Variants in USP6NL observed in about 807,000 individuals in gnomAD.
The protein encoded by USP6NL is USP6 N-terminal-like protein.
Under a neutral mutation model 61.9 loss-of-function variants are expected in USP6NL, and 26 were observed. The observed-to-expected ratio is 0.42, with a 90% CI of 0.31 to 0.58. The LOEUF (loss-of-function observed/expected upper bound fraction) is 0.58. Among genes scored for constraint, USP6NL ranks in the 20% least tolerant of loss-of-function variants. USP6NL has a pLI of 0.16. For synonymous variants in USP6NL, 432 were observed against 390.1 expected (o/e 1.11, Z -1.27); for missense variants, 1,114 against 1,034.3 (o/e 1.08, Z -1.06).
At chr10:11,521,742 A>C (rs1591882308) in intron 4 of USP6NL, among the ~76,000 whole-genome samples, 1 of 152,326 alleles carries the variant, frequency 6.6e-6, no homozygotes, top group Non-Finnish European at 1.5e-5. Context: ...CATTTTATAC[A>C]GTCACAGTAA....
At chr10:11,603,421 C>T (rs1415284464) in intron 1 of USP6NL, among the ~76,000 whole-genome samples, 1 of 152,192 alleles carries the variant, frequency 6.6e-6, no homozygotes, top group Non-Finnish European at 1.5e-5. Context: ...CATATCAGAA[C>T]TGCACATAAT....
At position 11,592,044 on chromosome 10, in the gene USP6NL, G is replaced by C. The variant is rs573949126; in HGVS notation, c.4+5587C>G. ...ACCACCATGCCCAGCTAATTTTTTA[G>C]TATTTTTAGTAGAGACGGGGTTTCA... On this transcript the variant is annotated intron_variant, in intron 2 of 14. Coordinates refer to ENST00000609104, the MANE Select transcript of USP6NL (RefSeq NM_014688.5). This position sits in a 1 kb window ranked among gnomAD's most constrained non-coding sequence, Gnocchi z 4.7. Among the ~76,000 whole-genome samples, 2 of 152,016 alleles carry C rather than the reference G, an allele frequency of 1.3e-5. No individual in the cohort carries two copies. Among genetic ancestry groups the C allele is most frequent in the East Asian group, 3.9e-4 (2 of 5,168 alleles).
At position 11,569,930 on chromosome 10, in the gene USP6NL, C is replaced by T. The variant is rs117857809; in HGVS notation, c.4+27701G>A. Among the ~76,000 whole-genome samples, 68 of 152,266 alleles carry T rather than the reference C, an allele frequency of 4.5e-4. No homozygotes were observed. The East Asian group carries it at 0.013, about 29-fold the overall frequency. ...TACACGGATTCTTCATGTTTGGGCA[C>T]CTGCGTCACCTATTTTCTTGCCATA... On this transcript the variant is annotated intron_variant, in intron 2 of 14. Transcript: ENST00000609104.
chr10:11,550,654 G>A (rs1288515164), intron 2 of USP6NL, among the ~76,000 whole-genome samples: 1 of 152,096 alleles, frequency 6.6e-6, no homozygotes, highest in African/African-American at 2.4e-5. Context: ...TACTCAGGGA[G>A]GCTGAGGCAG....
intron 2 of USP6NL, among the ~76,000 whole-genome samples, chr10:11,539,252 G>A (rs984739220): frequency 1.6e-4 from 25 of 152,318 alleles, no homozygotes; most frequent in African/African-American, 5.3e-4. Flanking sequence ...CTTGTTGGCT[G>A]TGTCAGTCAC....
chr10:11,487,202 C>A lies in USP6NL; in HGVS notation c.665-1291G>T, dbSNP rs1221517351. ...AATGCTAAGAAGCCTAACAGTTCTT[C>A]ATTTTCCACTGATGTTCCAGATCTC... is the stretch of plus-strand genomic sequence containing the variant. On this transcript the variant is annotated intron_variant, in intron 10 of 14. Transcript: ENST00000609104. This position sits in a 1 kb window ranked among gnomAD's most constrained non-coding sequence, Gnocchi z 4.2. Among the ~76,000 whole-genome samples, 1 of 152,188 alleles carries A rather than the reference C, an allele frequency of 6.6e-6. No homozygotes were observed. The highest frequency in any genetic ancestry group is 1.5e-5 in the Non-Finnish European group (1 of 68,024).
intron 14 of USP6NL, among the ~76,000 whole-genome samples, chr10:11,477,206 A>G (rs1356352336): frequency 6.6e-6 from 1 of 152,200 alleles, no homozygotes; most frequent in Non-Finnish European, 1.5e-5. Context: ...GAAGAAATAA[A>G]CTAAGAAAAT....
chr10:11,503,218 A>C (rs1240229331), intron 6 of USP6NL, among the ~76,000 whole-genome samples: 1 of 152,216 alleles, frequency 6.6e-6, no homozygotes, highest in Non-Finnish European at 1.5e-5. Context: ...AGGAACGTGT[A>C]ATATGACTGA....
In USP6NL at chr10:11,540,796, T is replaced by G. The variant is rs1476175262; in HGVS notation, c.5-13229A>C. 6.6e-6 allele frequency among the ~76,000 whole-genome samples: 1 copy of G among 152,130 alleles called. No homozygotes were observed. The highest frequency in any genetic ancestry group is 6.5e-5 in the Admixed American group (1 of 15,272). ...ACACTCAAAAACAAGAACGAGGTAT[T>G]GCCTAGAACAACTGAGAAGCACACA... On this transcript the variant is annotated intron_variant, in intron 2 of 14. Coordinates refer to ENST00000609104, the MANE Select transcript of USP6NL (RefSeq NM_014688.5). The surrounding 1 kb of genome is among the most constrained non-coding windows in gnomAD (Gnocchi z 5.0).
chr10:11,490,562 A>T lies in USP6NL; in HGVS notation c.543+270T>A, dbSNP rs966824419. ...AAATAAAAACAAAACAACACAAAAC[A>T]TTACAAAGCAAAACAATATGGAGGG... On this transcript the variant is annotated intron_variant, in intron 9 of 14. Transcript: ENST00000609104. This position sits in a 1 kb window ranked among gnomAD's most constrained non-coding sequence, Gnocchi z 4.5. Among the ~76,000 whole-genome samples, 1 of 152,232 alleles carries T rather than the reference A, an allele frequency of 6.6e-6. No homozygotes were observed.
At chr10:11,519,305 G>A (rs893823268) in intron 4 of USP6NL, among the ~76,000 whole-genome samples, 5 of 152,204 alleles carry the variant, frequency 3.3e-5, no homozygotes, top group African/African-American at 1.2e-4. Flanking sequence ...ACAGACTTGT[G>A]AATTTAAAGA....
In USP6NL at chr10:11,518,670, A is replaced by C; in HGVS notation, c.156-96T>G. On this transcript the variant is annotated intron_variant, in intron 4 of 14. Transcript: ENST00000609104. This position sits in a 1 kb window ranked among gnomAD's most constrained non-coding sequence, Gnocchi z 5.3. ...TAGATACATATGACATACAATATTTATTTGTCATCACAAGAGTTACATAGG... is the reference window on the plus strand; with the variant it reads ...TAGATACATATGACATACAATATTTCTTTGTCATCACAAGAGTTACATAGG... The C allele has an allele frequency of 1.1e-6, 1 of 916,860 alleles. No homozygotes were observed. The highest frequency in any genetic ancestry group is 1.7e-6 in the Non-Finnish European group (1 of 592,356). The allele number at this position is 916,860 out of a possible 1,614,324, so 56.8% of individuals were successfully genotyped here. A position where few individuals can be genotyped will look rare whatever the true frequency, so the allele number is the denominator to read the frequency against.
Position 11,463,660 on chromosome 10 carries a change from C to T in USP6NL, c.1268G>A (p.Gly423Glu). Reference protein sequence around the residue: ...EHSPHPQSRTGTPERAQPPRR... With the variant: ...EHSPHPQSRTETPERAQPPRR... ...TGGCGGCTGTGCTCTCTCGGGCGTC[C>T]CGGTCCTGCTCTGGGGGTGCGGGGA... Residue 423 changes from glycine (G) to glutamate (E), a missense_variant, in exon 15 of 15, where the codon GGG becomes GAG. Physicochemically the swap from Gly to Glu is moderately conservative, Grantham distance 98. Coordinates refer to ENST00000609104, the MANE Select transcript of USP6NL (RefSeq NM_014688.5). The surrounding 1 kb of genome is among the most constrained non-coding windows in gnomAD (Gnocchi z 6.3). 5.6e-6 allele frequency: 9 copies of T among 1,613,928 alleles called. No homozygotes were observed. The highest frequency in any genetic ancestry group is 7.6e-6 in the Non-Finnish European group (9 of 1,179,858).
At chr10:11,492,994 T>A (rs1218009516) in intron 8 of USP6NL, 125 bp downstream of exon 8, 2 of 734,918 alleles carry the variant, frequency 2.7e-6, no homozygotes, top group East Asian at 2.8e-5. Context: ...ACGCAAATGA[T>A]CTGCAAAAGC....
At position 11,489,917 on chromosome 10, in the gene USP6NL, G is replaced by A. The variant is rs147033483; in HGVS notation, c.544-695C>T. On this transcript the variant is annotated intron_variant, in intron 9 of 14. Transcript: ENST00000609104. The surrounding 1 kb of genome is among the most constrained non-coding windows in gnomAD (Gnocchi z 5.7). ...TGAATCTGTGGGTGCAATCTGAGCC[G>A]CAGTATAACTGGCCAGTAGGCAAAG... Among the ~76,000 whole-genome samples, 101 of 152,300 alleles carry A rather than the reference G, an allele frequency of 6.6e-4. 1 individual carries two copies. Among genetic ancestry groups the A allele is most frequent in the Admixed American group, 1.6e-3 (25 of 15,304 alleles).
intron 2 of USP6NL, among the ~76,000 whole-genome samples, chr10:11,549,939 T>C (rs915858544): frequency 6.6e-6 from 1 of 152,234 alleles, no homozygotes; most frequent in Non-Finnish European, 1.5e-5. Context: ...TAAGCTCTGT[T>C]GTCGGCCTTA....
In USP6NL at chr10:11,478,875, C is replaced by T. The variant is rs1179758314; in HGVS notation, c.1078+2895G>A. Among the ~76,000 whole-genome samples, 11 of 151,780 alleles carry T rather than the reference C, an allele frequency of 7.2e-5. No individual in the cohort carries two copies. Among genetic ancestry groups the T allele is most frequent in the Non-Finnish European group, 1.5e-5 (1 of 67,904 alleles). On this transcript the variant is annotated intron_variant, in intron 14 of 14. Coordinates refer to ENST00000609104, the MANE Select transcript of USP6NL (RefSeq NM_014688.5). This position sits in a 1 kb window ranked among gnomAD's most constrained non-coding sequence, Gnocchi z 6.8. ...GAGCCATGATTGAGCCATCACACTC[C>T]AGCCTAGGCAACAGAGTGAGACCCT...
At chr10:11,577,523 C>G (rs1837595755) in intron 2 of USP6NL, among the ~76,000 whole-genome samples, 1 of 151,912 alleles carries the variant, frequency 6.6e-6, no homozygotes, top group African/African-American at 2.4e-5. Context: ...TGGGGGAGGA[C>G]AGAGTCTCGC....
At chr10:11,608,236 T>C (rs1838769790) in intron 1 of USP6NL, among the ~76,000 whole-genome samples, 1 of 152,180 alleles carries the variant, frequency 6.6e-6, no homozygotes, top group Non-Finnish European at 1.5e-5. Context: ...TAACAAGTAA[T>C]CCAATGCAGA....
Sources: allele counts gnomAD v4.1 joint callset (sites outside exome capture counted in the v4.1 genomes callset), GRCh38; gene constraint gnomAD v4.1.1; non-coding constraint Gnocchi (gnomAD v3.1); transcripts MANE v1.5; gene names NCBI Gene and HGNC (gene_info 2026-07-23, HGNC 2026-07-21).